Variants in LRP5 observed in about 807,000 individuals in gnomAD.
The protein encoded by LRP5 is low-density lipoprotein receptor-related protein 5.
Under a neutral mutation model 154.1 loss-of-function variants are expected in LRP5, and 62 were observed. The observed-to-expected ratio is 0.40, with a 90% confidence interval of 0.33 to 0.50. The LOEUF is 0.50. Ranked by LOEUF, LRP5 falls within the 20% of genes least tolerant of loss-of-function variation. LRP5 has a pLI of 0.55. For synonymous variants in LRP5, 966 were observed against 1,011.5 expected (o/e 0.96, Z 0.85); for missense variants, 1,915 against 2,336.7 (o/e 0.82, Z 3.72).
intron 1 of LRP5, among the ~76,000 whole-genome samples, chr11:68,318,255 C>A (rs1409855003): frequency 6.6e-6 from 1 of 151,556 alleles, no homozygotes. Flanking sequence ...GGGGTTTCAC[C>A]GTGTTAGCCA....
At chr11:68,322,242 C>T (rs1299425924) in intron 1 of LRP5, among the ~76,000 whole-genome samples, 1 of 152,158 alleles carries the variant, frequency 6.6e-6, no homozygotes. Flanking sequence ...GTCCCCTGCC[C>T]TCTCCTCCAC....
rs551018389 is a variant in LRP5, at chr11:68,312,617, G to C, written c.-98G>C. ...TCGTCCTGGTCCGCGGCGCCCGAGGGGGGAGGCGGAGGCGCCGGGAGCCGC... is the reference window on the plus strand; with the variant it reads ...TCGTCCTGGTCCGCGGCGCCCGAGGCGGGAGGCGGAGGCGCCGGGAGCCGC... On this transcript the variant is annotated 5_prime_UTR_variant, in exon 1 of 23. Transcript: ENST00000294304. 85 of 422,066 alleles carry C rather than the reference G, an allele frequency of 2.0e-4. No homozygotes were observed. Among genetic ancestry groups the C allele is most frequent in the African/African-American group, 8.9e-4 (41 of 46,052 alleles). The allele number at this position is 422,066 out of a possible 1,614,324, so 26.1% of individuals were successfully genotyped here.
chr11:68,376,171 C>CTTTTTT (rs60401481), intron 5 of LRP5, among the ~76,000 whole-genome samples: 4 of 92,832 alleles, frequency 4.3e-5, no homozygotes, highest in East Asian at 3.4e-4. Context: ...GGCCCTGCTT[C>CTTTTTT]TTTTTTTTTT....
intron 1 of LRP5, among the ~76,000 whole-genome samples, chr11:68,324,296 G>A (rs907980604): frequency 2.0e-5 from 3 of 152,246 alleles, no homozygotes; most frequent in African/African-American, 4.8e-5. Flanking sequence ...ACAGATCCCC[G>A]GGACCTAGTG....
chr11:68,335,706 C>G (rs2098605339), intron 1 of LRP5, among the ~76,000 whole-genome samples: 1 of 152,178 alleles, frequency 6.6e-6, no homozygotes, highest in Non-Finnish European at 1.5e-5. Context: ...CCTAGGAGCA[C>G]TACACAGCAG....
intron 6 of LRP5, among the ~76,000 whole-genome samples, chr11:68,387,442 A>G (rs1468154310): frequency 1.3e-5 from 2 of 152,176 alleles, no homozygotes; most frequent in Non-Finnish European, 2.9e-5. Context: ...AACACTTTGC[A>G]CACCATGGGT....
chr11:68,431,945 C>T lies in LRP5; in HGVS notation c.3764-1657C>T, dbSNP rs775735169. Among the ~76,000 whole-genome samples, 8 of 152,198 alleles carry T rather than the reference C, an allele frequency of 5.3e-5. No individual in the cohort carries two copies. The East Asian group carries it at 7.7e-4, about 15-fold the overall frequency. ...CACGGCTCGAGAGACGTGTATTTAC[C>T]GCACAGGTGCTTGTCATTCTCTTGT... On this transcript the variant is annotated intron_variant, in intron 17 of 22. Coordinates refer to ENST00000294304, the MANE Select transcript of LRP5 (RefSeq NM_002335.4).
chr11:68,344,851 T>C (rs796150382), intron 1 of LRP5, among the ~76,000 whole-genome samples: 11 of 71,672 alleles, frequency 1.5e-4, no homozygotes, highest in African/African-American at 8.4e-4. Flanking sequence ...ATCTCTCTCT[T>C]TTTTTTTTTT....
In LRP5 at chr11:68,406,524, G is replaced by A. The variant is rs2098655764; in HGVS notation, c.1802G>A (p.Gly601Glu). The A allele has an allele frequency of 1.2e-6, 2 of 1,614,074 alleles. No homozygotes were observed. The highest frequency in any genetic ancestry group is 2.7e-5 in the African/African-American group (2 of 75,028). Residue 601 changes from glycine to glutamate, a missense_variant and splice_region_variant, in exon 9 of 23, where the codon GGA becomes GAA. Coordinates refer to ENST00000294304, the MANE Select transcript of LRP5 (RefSeq NM_002335.4). The part of the protein sequence containing the change: ...LKAVNVAKVV[G>E]TNPCADRNGG... ...CTGGAGCCTCTGTGTTCGCTTCCAG[G>A]AACCAACCCGTGTGCGGACAGGAAC...
intron 3 of LRP5, among the ~76,000 whole-genome samples, chr11:68,359,057 G>A (rs2098625546): frequency 3.9e-5 from 6 of 152,234 alleles, no homozygotes; most frequent in South Asian, 4.1e-4. Context: ...GCCAGGCCTC[G>A]TGTGTTAGTT....
At chr11:68,430,080 T>C (rs931210169) in intron 17 of LRP5, among the ~76,000 whole-genome samples, 6 of 152,244 alleles carry the variant, frequency 3.9e-5, no homozygotes, top group African/African-American at 1.4e-4. Flanking sequence ...TACTGTAGTC[T>C]GAGAGCTTAT....
At chr11:68,350,589 C>T (rs1455893682) in intron 2 of LRP5, among the ~76,000 whole-genome samples, 3 of 152,248 alleles carry the variant, frequency 2.0e-5, no homozygotes, top group Non-Finnish European at 2.9e-5. Flanking sequence ...CTGCAGGAGC[C>T]GGGCGGGAGG....
In LRP5 at chr11:68,446,574, C is replaced by T. The variant is rs373190610; in HGVS notation, c.4586+41C>T. On this transcript the variant is annotated intron_variant, in intron 22 of 22. Transcript: ENST00000294304. ...CAGCCCTCCATGGCCATTGGGTTCC[C>T]GCCAGCCCGTGGTGGAGGGGCCTAA... The T allele has an allele frequency of 2.2e-5, 34 of 1,537,756 alleles. No homozygotes were observed. The South Asian group carries it at 2.9e-4, about 13-fold the overall frequency.
intron 7 of LRP5, among the ~76,000 whole-genome samples, chr11:68,393,128 T>C (rs550584977): frequency 6.7e-6 from 1 of 149,940 alleles, no homozygotes; most frequent in South Asian, 2.1e-4. Context: ...AGACCCTGTC[T>C]GAAAAAAAAA....
chr11:68,438,538 G>A lies in LRP5; in HGVS notation c.4204G>A (p.Gly1402Ser). The stretch of plus-strand genomic sequence containing the variant: ...CATCCTCTCTCTCTTCGTCATGGGT[G>A]GTGTCTATTTTGTGTGCCAGCGCGT... ...GIILSLFVMG[G>S]VYFVCQRVVC... The change falls in exon 20 of 23, where the codon GGT (glycine) becomes AGT (serine). Residue 1402 changes from glycine to serine, a missense_variant. Gly to Ser is a moderately conservative substitution (Grantham distance 56). This residue lies in a region of LRP5 where 1,094 missense variants were observed against 1,210.1 expected (regional missense o/e 0.90). Coordinates refer to ENST00000294304, the MANE Select transcript of LRP5 (RefSeq NM_002335.4). 6.2e-7 allele frequency: 1 copy of A among 1,614,214 alleles called. No individual in the cohort carries two copies. The highest frequency in any genetic ancestry group is 1.1e-5 in the South Asian group (1 of 91,092).
At chr11:68,343,083 G>A (rs2098610082) in intron 1 of LRP5, among the ~76,000 whole-genome samples, 1 of 152,202 alleles carries the variant, frequency 6.6e-6, no homozygotes, top group Admixed American at 6.5e-5. Flanking sequence ...GAGGCCTGTT[G>A]TCTGTGGGAT....
At position 68,386,389 on chromosome 11, in the gene LRP5, C is replaced by G. The variant is rs747651554; in HGVS notation, c.1089C>G (p.Thr363=). The part of the protein sequence containing the change: ...RRISLDTPDF[T]DIVLQVDDIR... The stretch of plus-strand genomic sequence containing the variant: ...TCTCGCTGGACACGCCGGACTTCAC[C>G]GACATCGTGCTGCAGGTGGACGACA... The change falls in exon 6 of 23, where the codon ACC becomes ACG. Residue 363 remains threonine (T), a synonymous_variant. Coordinates refer to ENST00000294304, the MANE Select transcript of LRP5 (RefSeq NM_002335.4). The surrounding 1 kb of genome is among the most constrained non-coding windows in gnomAD (Gnocchi z 7.9). 1 of 1,613,890 alleles carries G rather than the reference C, an allele frequency of 6.2e-7. No individual in the cohort carries two copies. Among genetic ancestry groups the G allele is most frequent in the Admixed American group, 1.7e-5 (1 of 60,024 alleles).
At chr11:68,345,628 C>T (rs1343209324) in intron 1 of LRP5, among the ~76,000 whole-genome samples, 2 of 152,172 alleles carry the variant, frequency 1.3e-5, no homozygotes, top group African/African-American at 2.4e-5. Context: ...TGCTGTGATC[C>T]AAGGTGTATG....
chr11:68,331,743 CTGTGTGTGTGTG>C (rs60278908), intron 1 of LRP5, among the ~76,000 whole-genome samples: 13 of 148,146 alleles, frequency 8.8e-5, no homozygotes, highest in East Asian at 2.0e-4. Context: ...TTCCTCTGGG[CTGTGTGTGTGTG>C]TGTGTGTGTG....
Sources: allele counts gnomAD v4.1 joint callset (sites outside exome capture counted in the v4.1 genomes callset), GRCh38; gene constraint gnomAD v4.1.1; regional missense constraint gnomAD v4.1.1; non-coding constraint Gnocchi (gnomAD v3.1); transcripts MANE v1.5; gene names NCBI Gene and HGNC (gene_info 2026-07-23, HGNC 2026-07-21).